The following TANC2 variants were observed in gnomAD, a reference collection of about 807,000 sequenced individuals.
TANC2 encodes the protein protein TANC2.
A neutral mutation model predicts 210.5 loss-of-function variants in TANC2; 26 were observed. The observed-to-expected ratio is 0.12, with a 90% CI of 0.09 to 0.17. TANC2 has a LOEUF of 0.17. TANC2 is among the 10% of genes least tolerant of loss of function. TANC2 has a pLI of 1.00. For synonymous variants in TANC2, 931 were observed against 967.1 expected (o/e 0.96, Z 0.69); for missense variants, 2,129 against 2,608.9 (o/e 0.82, Z 4.01).
At chr17:63,098,431 TAC>T (rs67245738) in intron 3 of TANC2, among the ~76,000 whole-genome samples, 6,798 of 93,126 alleles carry the variant, frequency 0.073, 279 homozygotes, top group East Asian at 0.25. Flanking sequence ...GGCCTTAGAC[TAC>T]ACACACACAC....
chr17:63,219,452 A>C (rs1159435891), intron 7 of TANC2, among the ~76,000 whole-genome samples: 2 of 151,888 alleles, frequency 1.3e-5, no homozygotes, highest in African/African-American at 2.4e-5. Context: ...AAGTTTTTCA[A>C]TTCCTCGTCT....
At chr17:63,066,359 T>A (rs2144588737) in intron 2 of TANC2, among the ~76,000 whole-genome samples, 1 of 151,932 alleles carries the variant, frequency 6.6e-6, no homozygotes, top group East Asian at 1.9e-4. Flanking sequence ...AGCCTGGTGG[T>A]AGGGCAGGTC....
Position 63,393,756 on chromosome 17 carries a change from G to GTAT in TANC2, c.3052-1967_3052-1965dup, listed in dbSNP as rs1051559391. 1.8e-4 allele frequency among the ~76,000 whole-genome samples: 27 copies of GTAT among 148,392 alleles called. No homozygotes were observed. In the East Asian group the frequency reaches 2.1e-3, roughly 12 times the overall value. On this transcript the variant is annotated intron_variant, in intron 17 of 27. Transcript: ENST00000689528. ...CCATCAGTGATTCTTGCTGCAGTAAGTATTATTATTATTATTATTATTTTT... is the reference window on the plus strand; with the variant it reads ...CCATCAGTGATTCTTGCTGCAGTAAGTATTATTATTATTATTATTATTATTTTT...
At chr17:63,236,292 A>G (rs2042617740) in intron 7 of TANC2, among the ~76,000 whole-genome samples, 2 of 152,068 alleles carry the variant, frequency 1.3e-5, no homozygotes, top group East Asian at 1.9e-4. Flanking sequence ...GGACTGATAC[A>G]TGAATTTTTT....
intron 1 of TANC2, chr17:63,004,795 CT>C: frequency 2.9e-6 from 1 of 349,432 alleles, no homozygotes. Context: ...CCCTTACCCG[CT>C]TTGGGTACCT....
At chr17:63,411,924 C>G in intron 22 of TANC2, 74 bp from the exon 23 acceptor site, 1 of 1,573,470 alleles carries the variant, frequency 6.4e-7, no homozygotes, top group Non-Finnish European at 8.7e-7. Flanking sequence ...GGGCAGGCAG[C>G]AGCCAGAGCC....
intron 1 of TANC2, among the ~76,000 whole-genome samples, chr17:62,989,810 C>T (rs1267862256): frequency 4.0e-5 from 5 of 124,674 alleles, no homozygotes; most frequent in African/African-American, 6.5e-5. Flanking sequence ...TTCACTCTGT[C>T]GCCCAGCCTG....
chr17:62,967,087 C>A (rs1276813894), intron 1 of TANC2: 1 of 152,158 alleles, frequency 6.6e-6, no homozygotes, highest in Non-Finnish European at 1.5e-5. Context: ...CAAAATGTGC[C>A]CCCAGAATGC....
intron 7 of TANC2, among the ~76,000 whole-genome samples, chr17:63,220,023 A>G (rs1288234883): frequency 1.3e-5 from 2 of 152,068 alleles, no homozygotes; most frequent in African/African-American, 2.4e-5. Context: ...GGCTGAGCAC[A>G]GTGGCTCACA....
At chr17:63,166,977 G>T (rs763529178) in intron 5 of TANC2, among the ~76,000 whole-genome samples, 3 of 152,076 alleles carry the variant, frequency 2.0e-5, no homozygotes, top group South Asian at 2.1e-4. Flanking sequence ...GGTGAGTGGA[G>T]AGAATACAAG....
At chr17:63,114,857 C>T (rs1177980182) in intron 4 of TANC2, among the ~76,000 whole-genome samples, 4 of 152,146 alleles carry the variant, frequency 2.6e-5, no homozygotes, top group African/African-American at 9.7e-5. Flanking sequence ...AAATCTCTCT[C>T]CACCCTTAAG....
intron 9 of TANC2, among the ~76,000 whole-genome samples, chr17:63,310,831 C>T (rs973437996): frequency 2.6e-5 from 4 of 152,258 alleles, no homozygotes; most frequent in Non-Finnish European, 4.4e-5. Context: ...GTCATTTTCA[C>T]GCAACCAGGA....
chr17:63,361,582 A>G (rs1248811359), intron 14 of TANC2, among the ~76,000 whole-genome samples: 1 of 152,230 alleles, frequency 6.6e-6, no homozygotes, highest in Non-Finnish European at 1.5e-5. Context: ...AAGCTTGGAG[A>G]CACCAGGAAC....
intron 13 of TANC2, among the ~76,000 whole-genome samples, 181 bp from the exon 14 acceptor site, chr17:63,354,602 G>C (rs757464090): frequency 2.0e-5 from 3 of 152,276 alleles, no homozygotes; most frequent in Admixed American, 6.5e-5. Flanking sequence ...TCAATGTTAG[G>C]AGAAGTTGTG....
intron 11 of TANC2, among the ~76,000 whole-genome samples, chr17:63,333,497 A>G (rs1271790501): frequency 6.6e-6 from 1 of 152,172 alleles, no homozygotes; most frequent in Non-Finnish European, 1.5e-5. Context: ...GTTGCTTCCT[A>G]TGGAAGAGCA....
intron 8 of TANC2, among the ~76,000 whole-genome samples, chr17:63,265,747 A>G (rs1043411408): frequency 1.1e-4 from 17 of 152,258 alleles, no homozygotes; most frequent in Non-Finnish European, 1.9e-4. Context: ...TCTCCAGGCA[A>G]GAAGCCCATG....
At chr17:63,416,081 A>G (rs1226366029) in intron 26 of TANC2, among the ~76,000 whole-genome samples, 1 of 152,204 alleles carries the variant, frequency 6.6e-6, no homozygotes, top group East Asian at 1.9e-4. Flanking sequence ...AGAAGGGCTA[A>G]GGAGAGGGCT....
chr17:63,064,635 A>G (rs1422076584), intron 2 of TANC2, among the ~76,000 whole-genome samples: 1 of 152,114 alleles, frequency 6.6e-6, no homozygotes, highest in Non-Finnish European at 1.5e-5. Flanking sequence ...TTCCTTTTAT[A>G]TATTTCCATC....
intron 11 of TANC2, chr17:63,333,998 G>A (rs1274633012): frequency 2.6e-5 from 4 of 152,086 alleles, no homozygotes; most frequent in Non-Finnish European, 4.4e-5. Context: ...ATATGCACAG[G>A]GAAATCAAAA....
Sources: allele counts gnomAD v4.1 joint callset (sites outside exome capture counted in the v4.1 genomes callset), GRCh38; gene constraint gnomAD v4.1.1; transcripts MANE v1.5; gene names NCBI Gene and HGNC (gene_info 2026-07-23, HGNC 2026-07-21).